Variants in SLCO1C1 observed in about 807,000 individuals in gnomAD.
SLCO1C1 encodes OAT-RP-5.
SLCO1C1 carries 70 observed loss-of-function variants against 76.4 expected under a neutral mutation model. The observed-to-expected ratio is 0.92, with a 90% CI of 0.76 to 1.12. The LOEUF (loss-of-function observed/expected upper bound fraction) is 1.12. Ranked by LOEUF, SLCO1C1 falls within the 50% of genes most tolerant of loss-of-function variation. The pLI is 0.00. For synonymous variants in SLCO1C1, 306 were observed against 286.1 expected, an observed-to-expected ratio of 1.07 and a Z score of -0.70; for missense variants, 912 against 823.8, an observed-to-expected ratio of 1.11 and a Z score of -1.31.
At chr12:20,719,616 A>G (rs1382106023) in intron 7 of SLCO1C1, among the ~76,000 whole-genome samples, 1 of 152,200 alleles carries the variant, frequency 6.6e-6, no homozygotes, top group Admixed American at 6.5e-5. Flanking sequence ...TCTGGAGAGA[A>G]GATTAAACCA....
At chr12:20,700,028 C>A in intron 2 of SLCO1C1, 1 of 179,234 alleles carries the variant, frequency 5.6e-6, no homozygotes, top group Non-Finnish European at 1.2e-5. Flanking sequence ...TGAAACATCA[C>A]ATTACTCCCA....
At chr12:20,713,167 C>T (rs1003242317) in intron 5 of SLCO1C1, among the ~76,000 whole-genome samples, 1 of 150,744 alleles carries the variant, frequency 6.6e-6, no homozygotes, top group Non-Finnish European at 1.5e-5. Context: ...GCAAGCTCCG[C>T]CTCCCGGGTT....
At chr12:20,740,818 T>TATATATATATATATA (rs1565541864) in intron 12 of SLCO1C1, among the ~76,000 whole-genome samples, 2 of 124,954 alleles carry the variant, frequency 1.6e-5, no homozygotes, top group Non-Finnish European at 3.4e-5. Flanking sequence ...TATATATATA[T>TATATATATATATATA]GGCTTTATCT....
At chr12:20,744,648 C>G (rs997109185) in intron 13 of SLCO1C1, among the ~76,000 whole-genome samples, 1 of 151,994 alleles carries the variant, frequency 6.6e-6, no homozygotes, top group Admixed American at 6.6e-5. Flanking sequence ...ATTTTGTTTG[C>G]AATGTATGGA....
chr12:20,742,525 G>T, intron 12 of SLCO1C1, among the ~76,000 whole-genome samples: 1 of 151,568 alleles, frequency 6.6e-6, no homozygotes, highest in African/African-American at 2.4e-5. Context: ...GCACTTTTCT[G>T]ATTTATTTAT....
intron 13 of SLCO1C1, among the ~76,000 whole-genome samples, chr12:20,748,914 G>A (rs955115741): frequency 5.1e-4 from 78 of 152,224 alleles, no homozygotes; most frequent in African/African-American, 1.7e-3. Flanking sequence ...TGAAGGTGGT[G>A]TCTACCAGTT....
chr12:20,739,357 A>G (rs911694759), intron 11 of SLCO1C1, among the ~76,000 whole-genome samples: 4 of 152,032 alleles, frequency 2.6e-5, no homozygotes, highest in Admixed American at 1.3e-4. Context: ...AAAGACATAC[A>G]TTAGAATAAG....
chr12:20,703,575 G>C (rs1170206734), intron 3 of SLCO1C1, among the ~76,000 whole-genome samples: 1 of 151,760 alleles, frequency 6.6e-6, no homozygotes, highest in Non-Finnish European at 1.5e-5. Flanking sequence ...CACTTTAAAA[G>C]CTGGTTTGCT....
At chr12:20,741,639 T>C (rs1223287037) in intron 12 of SLCO1C1, among the ~76,000 whole-genome samples, 1 of 152,120 alleles carries the variant, frequency 6.6e-6, no homozygotes, top group Admixed American at 6.6e-5. Context: ...TAAAACACAA[T>C]TTGTGCTCGA....
intron 13 of SLCO1C1, among the ~76,000 whole-genome samples, chr12:20,746,218 A>C (rs1592335957): frequency 6.6e-6 from 1 of 152,320 alleles, no homozygotes; most frequent in South Asian, 2.1e-4. Flanking sequence ...AAATAGTAGC[A>C]ACCGTAGTAA....
Position 20,752,503 on chromosome 12 carries a change from G to A in SLCO1C1, c.2114G>A (p.Trp705Ter), listed in dbSNP as rs149477839. 433 of 1,589,074 alleles carry A rather than the reference G, an allele frequency of 2.7e-4. 3 individuals carry two copies. Among genetic ancestry groups the A allele is most frequent in the Admixed American group, 8.6e-5 (5 of 57,916 alleles). The change falls in exon 15 of 15, where the codon TGG becomes TAG. Residue 705 changes from tryptophan to a stop codon, truncating the protein, a stop_gained. Transcript: ENST00000266509. LOFTEE classifies it high-confidence loss of function. Reference sequence around the variant, plus strand: ...GATCATCTGCTACAACCCAACTACTGGCCAGGCAAGGAAACTCAACTTTAG... The same window carrying A: ...GATCATCTGCTACAACCCAACTACTAGCCAGGCAAGGAAACTCAACTTTAG... ...TSDHLLQPNY[W>*]PGKETQL is the part of the protein sequence containing the mutation.
At chr12:20,703,523 T>G (rs1246454596) in intron 3 of SLCO1C1, among the ~76,000 whole-genome samples, 1 of 151,848 alleles carries the variant, frequency 6.6e-6, no homozygotes, top group Non-Finnish European at 1.5e-5. Context: ...TTTTAAAATT[T>G]TAGTATTAAG....
rs949362039 is a variant in SLCO1C1 at position 20,724,195 on chromosome 12, T to C, written c.1186+941T>C. 1.1e-4 allele frequency among the ~76,000 whole-genome samples: 16 copies of C among 151,804 alleles called. No individual in the cohort carries two copies. In the East Asian group the frequency reaches 3.1e-3, roughly 29 times the overall value. On this transcript the variant is annotated intron_variant, in intron 9 of 14. Transcript: ENST00000266509. ...TTACTTATTGGCTGACCTAAAGAAA[T>C]ATTTTGTGGCTTTTTTCTCCAACAC... is the stretch of plus-strand genomic sequence containing the variant.
rs746748482 is a variant in SLCO1C1 at position 20,711,516 on chromosome 12, A to T, written c.529+6A>T. The T allele has an allele frequency of 3.1e-6, 5 of 1,612,544 alleles. No individual in the cohort carries two copies. Among genetic ancestry groups the T allele is most frequent in the African/African-American group, 1.3e-5 (1 of 74,950 alleles). On this transcript the variant is annotated splice_donor_region_variant and intron_variant, in intron 5 of 14. Transcript: ENST00000266509. ...AAAATCCAAAATAAGTAACGGTAAG[A>T]TCATTTTTTTGACTTGACTAAACAA...
In SLCO1C1 at chr12:20,701,334, T is replaced by C. The variant is rs933604966; in HGVS notation, c.146T>C (p.Leu49Ser). 6.5e-7 allele frequency: 1 copy of C among 1,535,314 alleles called. No individual in the cohort carries two copies. Among genetic ancestry groups the C allele is most frequent in the Non-Finnish European group, 8.9e-7 (1 of 1,125,220 alleles). ...CGELKVFLCALSFVYFAKALA... is the reference protein window; with the variant it reads ...CGELKVFLCASSFVYFAKALA... Reference sequence around the variant, plus strand: ...ATTTTCCAGGTGTTCTTGTGTGCCTTGTCTTTTGTTTACTTTGCCAAAGCA... The same window carrying C: ...ATTTTCCAGGTGTTCTTGTGTGCCTCGTCTTTTGTTTACTTTGCCAAAGCA... The change falls in exon 3 of 15, where the codon TTG (leucine) becomes TCG (serine). Residue 49 changes from leucine to serine, a missense_variant. Physicochemically the swap from Leu to Ser is moderately radical, Grantham distance 145. Transcript: ENST00000266509.
intron 9 of SLCO1C1, among the ~76,000 whole-genome samples, chr12:20,723,583 A>G (rs1397716277): frequency 1.3e-5 from 2 of 152,176 alleles, no homozygotes; most frequent in African/African-American, 4.8e-5. Context: ...GGATTATATA[A>G]AATGCACAAT....
intron 7 of SLCO1C1, among the ~76,000 whole-genome samples, chr12:20,718,284 T>C (rs1947483714): frequency 6.6e-6 from 1 of 152,194 alleles, no homozygotes; most frequent in Non-Finnish European, 1.5e-5. Context: ...CAGTTGAGCC[T>C]ACTTGTCAAG....
intron 10 of SLCO1C1, among the ~76,000 whole-genome samples, chr12:20,736,564 G>A (rs149025340): frequency 6.6e-6 from 1 of 152,196 alleles, no homozygotes; most frequent in East Asian, 1.9e-4. Context: ...GCACTTGTTG[G>A]TTACACACAT....
chr12:20,748,212 A>G (rs1949136308), intron 13 of SLCO1C1, among the ~76,000 whole-genome samples: 1 of 152,136 alleles, frequency 6.6e-6, no homozygotes, highest in Admixed American at 6.5e-5. Context: ...TTTAATCCAT[A>G]GGCTTTACTT....
Sources: allele counts gnomAD v4.1 joint callset (sites outside exome capture counted in the v4.1 genomes callset), GRCh38; gene constraint gnomAD v4.1.1; transcripts MANE v1.5; gene names NCBI Gene and HGNC (gene_info 2026-07-23, HGNC 2026-07-21).